BANK1: variants seen among roughly 807,000 people sequenced by gnomAD.
BANK1 encodes the protein B cell scaffold protein with ankyrin repeats 1, also known as B-cell scaffold protein with ankyrin repeats.
A neutral mutation model predicts 94.5 loss-of-function variants in BANK1; 95 were observed. The observed-to-expected ratio is 1.00, with a 90% CI of 0.85 to 1.19. The LOEUF (loss-of-function observed/expected upper bound fraction) is 1.19, where lower values mean the gene tolerates loss of function less well. Ranked by LOEUF, BANK1 falls within the 50% of genes most tolerant of loss-of-function variation. The pLI is 0.00. For missense variants in BANK1, 987 were observed against 932.2 expected, an observed-to-expected ratio of 1.06 and a Z score of -0.77; for synonymous variants, 334 against 308.4, an observed-to-expected ratio of 1.08 and a Z score of -0.87.
At chr4:102,049,824 C>G (rs1727990359) in intron 11 of BANK1, among the ~76,000 whole-genome samples, 1 of 152,184 alleles carries the variant, frequency 6.6e-6, no homozygotes, top group Admixed American at 6.5e-5. Context: ...CAAGCATGTG[C>G]ACTAAGAGGC....
chr4:101,975,717 A>AT lies in BANK1; in HGVS notation c.1207-45793dup, dbSNP rs570976402. ...TATTATCATTTGTTTTATTTGCTGG[A>AT]TTTTCTGATAAGCTGAAATCTTTTT... On this transcript the variant is annotated intron_variant, in intron 7 of 16. Transcript: ENST00000322953. 4.2e-4 allele frequency among the ~76,000 whole-genome samples: 64 copies of AT among 152,228 alleles called. 1 individual carries two copies. Among genetic ancestry groups the AT allele is most frequent in the Middle Eastern group, 6.8e-3 (2 of 294 alleles).
intron 5 of BANK1, among the ~76,000 whole-genome samples, chr4:101,889,724 G>C (rs1341986458): frequency 6.7e-6 from 1 of 149,744 alleles, no homozygotes; most frequent in African/African-American, 2.5e-5. Flanking sequence ...TGCTTGCTTT[G>C]AGATTGTTAT....
chr4:102,001,065 G>T (rs1013793295), intron 7 of BANK1, among the ~76,000 whole-genome samples: 2 of 152,164 alleles, frequency 1.3e-5, no homozygotes, highest in African/African-American at 2.4e-5. Flanking sequence ...TTGGTGGACT[G>T]CAAAGCCCAT....
intron 7 of BANK1, among the ~76,000 whole-genome samples, chr4:101,990,423 T>A (rs1279708877): frequency 6.6e-6 from 1 of 152,202 alleles, no homozygotes; most frequent in Non-Finnish European, 1.5e-5. Context: ...CCCCTATGAC[T>A]TCCAAGATAC....
intron 7 of BANK1, among the ~76,000 whole-genome samples, chr4:101,964,985 A>C (rs923500425): frequency 4.4e-5 from 6 of 135,082 alleles, no homozygotes; most frequent in Middle Eastern, 4.5e-3. Context: ...CTCATTGTTC[A>C]ATTCCCACCT....
At chr4:101,857,815 A>G (rs1727731800) in intron 3 of BANK1, among the ~76,000 whole-genome samples, 2 of 152,056 alleles carry the variant, frequency 1.3e-5, no homozygotes. Context: ...AGTAGTTCCA[A>G]TCTGTTTCTT....
chr4:101,907,787 A>G (rs1195788518), intron 6 of BANK1, among the ~76,000 whole-genome samples: 1 of 152,238 alleles, frequency 6.6e-6, no homozygotes, highest in Non-Finnish European at 1.5e-5. Context: ...CAAAATCATG[A>G]GTGAACTCCC....
chr4:102,012,053 A>C (rs541608666), intron 7 of BANK1, among the ~76,000 whole-genome samples: 8 of 152,204 alleles, frequency 5.3e-5, no homozygotes, highest in African/African-American at 1.9e-4. Context: ...AGTTTTCTTT[A>C]TTTTTTTAAA....
intron 5 of BANK1, among the ~76,000 whole-genome samples, chr4:101,872,238 A>G (rs1056057343): frequency 1.3e-5 from 2 of 152,164 alleles, no homozygotes; most frequent in Middle Eastern, 3.2e-3. Flanking sequence ...AAACCATGGC[A>G]TGGCAAGGAG....
At chr4:101,796,944 C>A (rs1725176821) in intron 1 of BANK1, among the ~76,000 whole-genome samples, 1 of 151,974 alleles carries the variant, frequency 6.6e-6, no homozygotes, top group South Asian at 2.1e-4. Flanking sequence ...TTCAACTCCT[C>A]TGGTATATGA....
At chr4:101,940,365 C>T (rs935421673) in intron 7 of BANK1, among the ~76,000 whole-genome samples, 2 of 151,548 alleles carry the variant, frequency 1.3e-5, no homozygotes, top group South Asian at 4.1e-4. Flanking sequence ...CATATACTCC[C>T]CAAGTATGTT....
intron 7 of BANK1, among the ~76,000 whole-genome samples, chr4:101,994,579 T>A (rs1725813470): frequency 1.3e-5 from 2 of 152,116 alleles, no homozygotes; most frequent in South Asian, 4.1e-4. Flanking sequence ...ACATGGTGCA[T>A]GAAAATGGAA....
At chr4:102,021,617 T>TAC (rs1385793260) in intron 8 of BANK1, 25 bp downstream of exon 8, 9 of 1,008,722 alleles carry the variant, frequency 8.9e-6, no homozygotes, top group Non-Finnish European at 1.1e-5. Context: ...GTTATATATA[T>TAC]ATATGACATA....
intron 1 of BANK1, among the ~76,000 whole-genome samples, chr4:101,798,397 T>TC (rs1264463015): frequency 6.6e-6 from 1 of 152,196 alleles, no homozygotes; most frequent in African/African-American, 2.4e-5. Flanking sequence ...AGGGGGGTTT[T>TC]CTGCTATGAA....
At chr4:101,828,082 A>G (rs1165108743) in intron 1 of BANK1, among the ~76,000 whole-genome samples, 2 of 151,916 alleles carry the variant, frequency 1.3e-5, no homozygotes, top group East Asian at 3.9e-4. Flanking sequence ...CAAATAGTCT[A>G]TAATTATCCT....
chr4:101,891,039 T>C (rs187731729), intron 5 of BANK1, among the ~76,000 whole-genome samples: 1 of 152,230 alleles, frequency 6.6e-6, no homozygotes, highest in Admixed American at 6.5e-5. Flanking sequence ...AAGTATGAGT[T>C]AGAAAACTCA....
intron 7 of BANK1, among the ~76,000 whole-genome samples, chr4:101,963,503 T>C (rs1724640815): frequency 6.6e-6 from 1 of 152,120 alleles, no homozygotes; most frequent in Admixed American, 6.6e-5. Context: ...TTTACACATA[T>C]GCCATTTTTA....
chr4:102,016,010 C>A (rs1452217472), intron 7 of BANK1, among the ~76,000 whole-genome samples: 2 of 152,154 alleles, frequency 1.3e-5, no homozygotes, highest in Non-Finnish European at 2.9e-5. Context: ...TGCAACCTAA[C>A]CAAACCAACT....
intron 5 of BANK1, among the ~76,000 whole-genome samples, chr4:101,878,176 A>G (rs143861411): frequency 2.6e-4 from 39 of 152,254 alleles, no homozygotes; most frequent in African/African-American, 7.9e-4. Flanking sequence ...TGGATTAAAA[A>G]CAAAAAAAAA....
Sources: allele counts gnomAD v4.1 joint callset (sites outside exome capture counted in the v4.1 genomes callset), GRCh38; gene constraint gnomAD v4.1.1; transcripts MANE v1.5; gene names NCBI Gene and HGNC (gene_info 2026-07-23, HGNC 2026-07-21).